The following IGF1R variants were observed in gnomAD, a reference collection of about 807,000 sequenced individuals.
IGF1R encodes insulin-like growth factor 1 receptor.
Under a neutral mutation model 144.6 loss-of-function variants are expected in IGF1R, and 44 were observed. That is an observed-to-expected ratio of 0.30 (90% confidence interval 0.24 to 0.39). The LOEUF is 0.39. Among genes scored for constraint, IGF1R ranks in the 10% least tolerant of loss-of-function variants. IGF1R has a pLI of 1.00. For missense variants in IGF1R, 1,355 were observed against 1,833.7 expected (o/e 0.74, Z 4.77); for synonymous variants, 795 against 722.8 (o/e 1.10, Z -1.60).
At chr15:98,897,019 A>C in intron 4 of IGF1R, 114 bp downstream of exon 4, 1 of 960,832 alleles carries the variant, frequency 1.0e-6, no homozygotes, top group Non-Finnish European at 1.6e-6. Context: ...GATAAACAAC[A>C]TGGTGTGTAA....
rs547115052 is a variant in IGF1R at position 98,914,483 on chromosome 15, G to A, written c.1828+1201G>A. The stretch of plus-strand genomic sequence containing the variant: ...ACTCCTACCCCATCTCCATGACCCT[G>A]TAAGTGGCCACAGTCATGTCACTGG... On this transcript the variant is annotated intron_variant, in intron 8 of 20. Coordinates refer to ENST00000650285, the MANE Select transcript of IGF1R (RefSeq NM_000875.5). Among the ~76,000 whole-genome samples the A allele has an allele frequency of 2.6e-5, 4 of 152,330 alleles. No individual in the cohort carries two copies. In the South Asian group the frequency reaches 8.3e-4, roughly 32 times the overall value.
chr15:98,692,612 G>A (rs1271699704), intron 1 of IGF1R, among the ~76,000 whole-genome samples: 1 of 152,196 alleles, frequency 6.6e-6, no homozygotes, highest in Non-Finnish European at 1.5e-5. Context: ...GGACTTTCCA[G>A]TAACATTTGG....
At chr15:98,711,707 C>T (rs187141438) in intron 2 of IGF1R, among the ~76,000 whole-genome samples, 5 of 152,180 alleles carry the variant, frequency 3.3e-5, no homozygotes, top group African/African-American at 1.2e-4. Flanking sequence ...TTCCTACCCC[C>T]ACAGGTGCCG....
In IGF1R at chr15:98,664,730, C is replaced by T. The variant is rs536562817; in HGVS notation, c.94+15055C>T. On this transcript the variant is annotated intron_variant, in intron 1 of 20. Coordinates refer to ENST00000650285, the MANE Select transcript of IGF1R (RefSeq NM_000875.5). ...AAAAGTGTCACCCATCTTGGAGGAT[C>T]GTTACCAATACTTCATGAGTGAATA... 1.4e-3 allele frequency among the ~76,000 whole-genome samples: 210 copies of T among 150,004 alleles called. 1 individual carries two copies. Among genetic ancestry groups the T allele is most frequent in the African/African-American group, 4.8e-3 (196 of 40,558 alleles).
At chr15:98,823,317 A>G (rs2056835933) in intron 2 of IGF1R, among the ~76,000 whole-genome samples, 1 of 152,220 alleles carries the variant, frequency 6.6e-6, no homozygotes. Context: ...CTCTGAACCA[A>G]TTGGAGCAGT....
intron 2 of IGF1R, among the ~76,000 whole-genome samples, chr15:98,853,752 C>G (rs961251997): frequency 4.6e-5 from 7 of 152,202 alleles, no homozygotes; most frequent in Non-Finnish European, 7.3e-5. Flanking sequence ...TGCCCTGCGC[C>G]CCGTCTCAGC....
intron 2 of IGF1R, among the ~76,000 whole-genome samples, chr15:98,796,396 G>C (rs943369772): frequency 2.6e-5 from 4 of 152,220 alleles, no homozygotes; most frequent in Non-Finnish European, 5.9e-5. Context: ...GCAGAAGCAA[G>C]AACTCAGTGG....
At chr15:98,696,114 C>A (rs2053591767) in intron 1 of IGF1R, among the ~76,000 whole-genome samples, 1 of 151,542 alleles carries the variant, frequency 6.6e-6, no homozygotes, top group African/African-American at 2.4e-5. Flanking sequence ...CTTTTTCACA[C>A]CTCCTACATT....
At chr15:98,932,696 G>A (rs578089312) in intron 15 of IGF1R, among the ~76,000 whole-genome samples, 1 of 152,280 alleles carries the variant, frequency 6.6e-6, no homozygotes, top group South Asian at 2.1e-4. Flanking sequence ...CTCCTGGGTT[G>A]TCTTGCATAC....
At chr15:98,722,383 A>G (rs1315266286) in intron 2 of IGF1R, among the ~76,000 whole-genome samples, 1 of 152,294 alleles carries the variant, frequency 6.6e-6, no homozygotes, top group South Asian at 2.1e-4. Flanking sequence ...ACACTTGCTC[A>G]GTACTGTTTG....
At position 98,935,738 on chromosome 15, in the gene IGF1R, G is replaced by A. The variant is rs45562732; in HGVS notation, c.3297+312G>A. Reference sequence around the variant, plus strand: ...TGTCCACCTGCCAAGCCAGGCCAGCGCCACTCCCTCCCCGAAGCTTTCCTG... The same window carrying A: ...TGTCCACCTGCCAAGCCAGGCCAGCACCACTCCCTCCCCGAAGCTTTCCTG... On this transcript the variant is annotated intron_variant, in intron 17 of 20. Coordinates refer to ENST00000650285, the MANE Select transcript of IGF1R (RefSeq NM_000875.5). The surrounding 1 kb of genome is among the most constrained non-coding windows in gnomAD (Gnocchi z 4.2). Among the ~76,000 whole-genome samples the A allele has an allele frequency of 0.015, 2,249 of 150,918 alleles. 75 individuals carry two copies. The highest frequency in any genetic ancestry group is 0.052 in the African/African-American group (2,123 of 40,926).
chr15:98,660,901 C>A (rs989569103), intron 1 of IGF1R, among the ~76,000 whole-genome samples: 2 of 152,154 alleles, frequency 1.3e-5, no homozygotes, highest in African/African-American at 2.4e-5. Flanking sequence ...GAGGAAGCAT[C>A]TGCAGGCTGG....
chr15:98,798,443 G>A (rs556449986), intron 2 of IGF1R, among the ~76,000 whole-genome samples: 27 of 152,154 alleles, frequency 1.8e-4, no homozygotes, highest in Admixed American at 1.6e-3. Flanking sequence ...GCAGAGTTTG[G>A]AGCTGGTGTG....
intron 2 of IGF1R, among the ~76,000 whole-genome samples, chr15:98,709,430 T>C (rs1007029326): frequency 6.6e-6 from 1 of 152,238 alleles, no homozygotes; most frequent in African/African-American, 2.4e-5. Context: ...GCCAGTACCT[T>C]GTAGAGCTCT....
intron 1 of IGF1R, among the ~76,000 whole-genome samples, chr15:98,670,829 C>A (rs1002800454): frequency 1.3e-5 from 2 of 152,160 alleles, no homozygotes; most frequent in African/African-American, 4.8e-5. Context: ...TTTTCTCCCC[C>A]AATCAACATA....
intron 2 of IGF1R, among the ~76,000 whole-genome samples, chr15:98,829,095 T>C (rs2141496614): frequency 6.6e-6 from 1 of 152,286 alleles, no homozygotes; most frequent in Non-Finnish European, 1.5e-5. Flanking sequence ...AAAAACTTTA[T>C]TAATTTAAAA....
chr15:98,856,951 T>C (rs2141574419), intron 2 of IGF1R, among the ~76,000 whole-genome samples: 1 of 152,300 alleles, frequency 6.6e-6, no homozygotes, highest in Non-Finnish European at 1.5e-5. Flanking sequence ...GGTCTTTCCA[T>C]CTAAAAATAA....
At chr15:98,771,136 A>G (rs2055573174) in intron 2 of IGF1R, among the ~76,000 whole-genome samples, 6 of 152,076 alleles carry the variant, frequency 3.9e-5, no homozygotes, top group Non-Finnish European at 1.5e-5. Context: ...ACGGAGGGGG[A>G]GTCAGTTGTG....
chr15:98,669,868 C>T (rs2052843819), intron 1 of IGF1R, among the ~76,000 whole-genome samples: 2 of 152,158 alleles, frequency 1.3e-5, no homozygotes, highest in South Asian at 2.1e-4. Context: ...GGTAGGCCTG[C>T]CCCCAGTGCA....
Sources: gnomAD v4.1 joint callset for allele counts (sites outside exome capture counted in the v4.1 genomes callset) on GRCh38, gnomAD v4.1.1 for gene constraint, Gnocchi (gnomAD v3.1) non-coding constraint, MANE v1.5 for transcripts, NCBI Gene and HGNC (gene_info 2026-07-23, HGNC 2026-07-21) for gene names.